Variants in NDUFAF2 observed in about 807,000 individuals in gnomAD.
NDUFAF2 encodes the protein NADH:ubiquinone oxidoreductase complex assembly factor 2, also known as NADH dehydrogenase [ubiquinone] 1 alpha subcomplex assembly factor 2.
In NDUFAF2, 13 loss-of-function variants were observed where a neutral mutation model predicts 22.8. That is an observed-to-expected ratio of 0.57 (90% confidence interval 0.37 to 0.91). NDUFAF2 has a LOEUF of 0.91. Ranked by LOEUF, NDUFAF2 falls within the 40% of genes least tolerant of loss-of-function variation. NDUFAF2 has a pLI of 0.01. For missense variants in NDUFAF2, 162 were observed against 195.2 expected, an observed-to-expected ratio of 0.83 and a Z score of 1.01; for synonymous variants, 53 against 64.2, an observed-to-expected ratio of 0.83 and a Z score of 0.84.
intron 2 of NDUFAF2, among the ~76,000 whole-genome samples, chr5:61,094,609 T>C (rs775958810): frequency 5.3e-5 from 8 of 152,256 alleles, no homozygotes; most frequent in Non-Finnish European, 1.5e-5. Flanking sequence ...TGATTCTTCC[T>C]CATCTTTGTG....
chr5:61,104,092 A>C (rs1752733415), intron 3 of NDUFAF2, among the ~76,000 whole-genome samples: 1 of 152,074 alleles, frequency 6.6e-6, no homozygotes, highest in Non-Finnish European at 1.5e-5. Flanking sequence ...ATTTTGACTT[A>C]AGATATTTTC....
intron 1 of NDUFAF2, among the ~76,000 whole-genome samples, chr5:61,072,023 C>T (rs978502243): frequency 4.6e-5 from 7 of 152,210 alleles, no homozygotes; most frequent in African/African-American, 1.4e-4. Context: ...TCATTCCATT[C>T]TTGACTTCTC....
At chr5:60,946,223 G>A (rs1175306887) in intron 1 of NDUFAF2, among the ~76,000 whole-genome samples, 8 of 152,114 alleles carry the variant, frequency 5.3e-5, no homozygotes, top group Non-Finnish European at 8.8e-5. Flanking sequence ...AGAGGCGTGG[G>A]TTAGAATCTC....
At chr5:60,984,223 C>T (rs1240590581) in intron 1 of NDUFAF2, among the ~76,000 whole-genome samples, 5 of 152,058 alleles carry the variant, frequency 3.3e-5, no homozygotes, top group Admixed American at 6.5e-5. Flanking sequence ...TATAAGAATG[C>T]CTGTGATTTT....
At chr5:60,967,885 C>T (rs568591313) in intron 1 of NDUFAF2, among the ~76,000 whole-genome samples, 269 of 150,600 alleles carry the variant, frequency 1.8e-3, no homozygotes, top group Non-Finnish European at 3.1e-3. Flanking sequence ...CCCTTCTCTT[C>T]AGTTGTTTTG....
At chr5:61,048,572 T>C (rs12520484) in intron 1 of NDUFAF2, among the ~76,000 whole-genome samples, 15,661 of 152,200 alleles carry the variant, frequency 0.1, 1,083 homozygotes, top group South Asian at 0.16. Flanking sequence ...ATGATTTGCA[T>C]TGAGAGGTTA....
At chr5:60,994,030 T>C (rs946542469) in intron 1 of NDUFAF2, among the ~76,000 whole-genome samples, 2 of 152,228 alleles carry the variant, frequency 1.3e-5, no homozygotes, top group South Asian at 2.1e-4. Context: ...TGCAGGCCAG[T>C]GCTGAGCTGC....
rs1406629694 is a variant in NDUFAF2 at position 60,967,748 on chromosome 5, A to G, written c.127+22366A>G. ...GTACCCTTGAATTAGGTTTGCCAAT[A>G]TTTTGTTGAGAGATTTTATATCTAT... is the stretch of plus-strand genomic sequence containing the variant. On this transcript the variant is annotated intron_variant, in intron 1 of 3. Transcript: ENST00000296597. Among the ~76,000 whole-genome samples, 14 of 151,226 alleles carry G rather than the reference A, an allele frequency of 9.3e-5. No homozygotes were observed. In the East Asian group the frequency reaches 2.7e-3, roughly 29 times the overall value.
intron 1 of NDUFAF2, among the ~76,000 whole-genome samples, chr5:60,948,619 G>C (rs1750498244): frequency 6.8e-6 from 1 of 148,140 alleles, no homozygotes; most frequent in Admixed American, 6.7e-5. Context: ...CCATGTTTTT[G>C]TGTTTATCAG....
At chr5:61,040,284 ACACGCGCG>A (rs1262863026) in intron 1 of NDUFAF2, among the ~76,000 whole-genome samples, 33 of 87,244 alleles carry the variant, frequency 3.8e-4, no homozygotes, top group African/African-American at 1.8e-3. Flanking sequence ...ACACACACAC[ACACGCGCG>A]CGCGCGCGCG....
chr5:60,976,385 T>C (rs1268208590), intron 1 of NDUFAF2, among the ~76,000 whole-genome samples: 1 of 152,096 alleles, frequency 6.6e-6, no homozygotes, highest in Non-Finnish European at 1.5e-5. Context: ...ACTCATTCAT[T>C]TCTTTAAATT....
rs527811082 is a variant in NDUFAF2 at position 61,024,284 on chromosome 5, C to T, written c.128-48841C>T. Among the ~76,000 whole-genome samples the T allele has an allele frequency of 1.1e-4, 16 of 151,932 alleles. No individual in the cohort carries two copies. In the South Asian group the frequency reaches 2.1e-3, roughly 20 times the overall value. On this transcript the variant is annotated intron_variant, in intron 1 of 3. Transcript: ENST00000296597. ...TTTAACTTTTCTTTTCCCTCCAGTG[C>T]GTTTTTCAAACATTTTTTGTTTTGT... is the stretch of plus-strand genomic sequence containing the variant.
At chr5:60,952,986 C>G (rs917685869) in intron 1 of NDUFAF2, among the ~76,000 whole-genome samples, 1 of 151,924 alleles carries the variant, frequency 6.6e-6, no homozygotes, top group Non-Finnish European at 1.5e-5. Context: ...TGGGATACCC[C>G]CAAGTGGCCT....
At chr5:61,066,603 CAA>C (rs35212229) in intron 1 of NDUFAF2, among the ~76,000 whole-genome samples, 79 of 151,868 alleles carry the variant, frequency 5.2e-4, no homozygotes, top group Non-Finnish European at 1.0e-3. Flanking sequence ...AATTTTTGAT[CAA>C]AAAAAATTTG....
At chr5:60,972,491 G>C (rs1750847991) in intron 1 of NDUFAF2, among the ~76,000 whole-genome samples, 1 of 152,096 alleles carries the variant, frequency 6.6e-6, no homozygotes, top group African/African-American at 2.4e-5. Flanking sequence ...TTGCCACCCT[G>C]TGAAGAGGTG....
At chr5:60,990,715 AAT>A (rs1379854804) in intron 1 of NDUFAF2, among the ~76,000 whole-genome samples, 3 of 152,198 alleles carry the variant, frequency 2.0e-5, no homozygotes, top group East Asian at 1.9e-4. Context: ...TTCTAATTTA[AAT>A]ATGTTTTAAC....
chr5:60,997,423 A>T (rs905468958), intron 1 of NDUFAF2, among the ~76,000 whole-genome samples: 6 of 152,250 alleles, frequency 3.9e-5, no homozygotes, highest in Admixed American at 3.9e-4. Flanking sequence ...AAGGAAAATG[A>T]GTCAAAGCCA....
At chr5:61,062,585 T>C (rs947522220) in intron 1 of NDUFAF2, among the ~76,000 whole-genome samples, 4 of 152,000 alleles carry the variant, frequency 2.6e-5, no homozygotes, top group African/African-American at 9.7e-5. Context: ...AAATGTACTA[T>C]GGGAGAAATG....
intron 1 of NDUFAF2, among the ~76,000 whole-genome samples, chr5:61,059,302 C>T (rs899167604): frequency 3.9e-5 from 6 of 152,170 alleles, no homozygotes; most frequent in African/African-American, 2.4e-5. Context: ...TAAAAATTAA[C>T]GGTCAATAAG....
Sources: gnomAD v4.1 joint callset for allele counts (sites outside exome capture counted in the v4.1 genomes callset) on GRCh38, gnomAD v4.1.1 for gene constraint, MANE v1.5 for transcripts, NCBI Gene and HGNC (gene_info 2026-07-23, HGNC 2026-07-21) for gene names.